The following SEMA3A variants were observed in gnomAD, a reference collection of about 807,000 sequenced individuals.
SEMA3A encodes semaphorin 3A, also known as semaphorin-3A.
Under a neutral mutation model 97.9 loss-of-function variants are expected in SEMA3A, and 29 were observed. That is an observed-to-expected ratio of 0.30 (90% CI 0.22 to 0.40). The LOEUF (loss-of-function observed/expected upper bound fraction) is 0.40, where lower values mean the gene tolerates loss of function less well. SEMA3A is among the 10% of genes least tolerant of loss of function. The pLI is 1.00. For synonymous variants in SEMA3A, 321 were observed against 323.7 expected (o/e 0.99, Z 0.09); for missense variants, 763 against 951.3 (o/e 0.80, Z 2.60).
At chr7:84,061,939 T>G (rs1045837907) in intron 4 of SEMA3A, among the ~76,000 whole-genome samples, 1 of 152,146 alleles carries the variant, frequency 6.6e-6, no homozygotes, top group Non-Finnish European at 1.5e-5. Flanking sequence ...TACTAAGTTA[T>G]AGTGGAAAAC....
intron 3 of SEMA3A, among the ~76,000 whole-genome samples, chr7:84,253,461 G>C (rs567013802): frequency 6.6e-6 from 1 of 151,998 alleles, no homozygotes; most frequent in South Asian, 2.1e-4. Flanking sequence ...CAGTTTTGTA[G>C]AGATAAAATG....
At chr7:84,321,872 G>GGAAAAAAAAAAAAAA (rs1313442553) in intron 2 of SEMA3A, among the ~76,000 whole-genome samples, 1 of 12,062 alleles carries the variant, frequency 8.3e-5, no homozygotes, top group African/African-American at 2.5e-4. Context: ...CGAGACTACG[G>GGAAAAAAAAAAAAAA]AAAAAAAAAA....
chr7:83,980,623 A>AAAAAAAAAAAAAAAATATATAT (rs1310318006), intron 14 of SEMA3A, among the ~76,000 whole-genome samples: 10 of 71,740 alleles, frequency 1.4e-4, no homozygotes, highest in South Asian at 3.9e-4. Context: ...AAAAAAAAAA[A>AAAAAAAAAAAAAAAATATATAT]ATATATATAT....
At chr7:84,000,770 T>A (rs905465373) in intron 12 of SEMA3A, among the ~76,000 whole-genome samples, 2 of 152,198 alleles carry the variant, frequency 1.3e-5, no homozygotes, top group Admixed American at 6.5e-5. Flanking sequence ...ATGTTAATTA[T>A]AATGCCAATT....
At chr7:83,989,840 G>A (rs1265890446) in intron 12 of SEMA3A, among the ~76,000 whole-genome samples, 2 of 150,148 alleles carry the variant, frequency 1.3e-5, no homozygotes, top group African/African-American at 2.5e-5. Context: ...CCCAGTAATG[G>A]GATGGCTGGG....
intron 12 of SEMA3A, among the ~76,000 whole-genome samples, chr7:83,999,039 G>A (rs1027301800): frequency 6.6e-6 from 1 of 152,106 alleles, no homozygotes; most frequent in African/African-American, 2.4e-5. Flanking sequence ...TGTTTTATAA[G>A]TAATTTTTTA....
intron 1 of SEMA3A, among the ~76,000 whole-genome samples, chr7:84,164,666 A>G (rs1321260944): frequency 3.3e-5 from 5 of 152,290 alleles, no homozygotes; most frequent in East Asian, 1.9e-4. Context: ...GAGAAAATGT[A>G]TGTTATGTAT....
chr7:84,359,124 C>G (rs1220834288), intron 2 of SEMA3A, among the ~76,000 whole-genome samples: 6 of 152,126 alleles, frequency 3.9e-5, no homozygotes, highest in Non-Finnish European at 7.3e-5. Context: ...ATTGAATACC[C>G]TTTATTTCTT....
chr7:84,166,653 A>C (rs1797217632), intron 1 of SEMA3A, among the ~76,000 whole-genome samples: 1 of 151,770 alleles, frequency 6.6e-6, no homozygotes, highest in Admixed American at 6.6e-5. Context: ...TGGGTGGATC[A>C]CGAGGTCAGG....
upstream of SEMA3A, chr7:84,195,214 A>G (rs572990728): frequency 1.3e-5 from 2 of 152,102 alleles, no homozygotes; most frequent in Non-Finnish European, 2.9e-5. Flanking sequence ...CATGCAAAAA[A>G]CATCTCGTAG....
At chr7:84,410,677 CAT>C (rs1217670384) in intron 1 of SEMA3A, among the ~76,000 whole-genome samples, 2 of 152,094 alleles carry the variant, frequency 1.3e-5, no homozygotes, top group African/African-American at 2.4e-5. Context: ...TGCACCACCA[CAT>C]GTTTTTCGCA....
chr7:84,415,864 T>C (rs143209947), intron 1 of SEMA3A, among the ~76,000 whole-genome samples: 3 of 152,190 alleles, frequency 2.0e-5, no homozygotes, highest in Admixed American at 2.0e-4. Flanking sequence ...TTTTCAAATA[T>C]CATAATTGCT....
chr7:84,205,010 A>G (rs765836271), intron 3 of SEMA3A, among the ~76,000 whole-genome samples: 2 of 152,202 alleles, frequency 1.3e-5, no homozygotes, highest in Non-Finnish European at 2.9e-5. Flanking sequence ...TAGAAGACCC[A>G]TTACTAGTAC....
chr7:84,170,655 A>G (rs1002913668), intron 1 of SEMA3A, among the ~76,000 whole-genome samples: 2 of 152,036 alleles, frequency 1.3e-5, no homozygotes, highest in Non-Finnish European at 2.9e-5. Context: ...AGATAATTAC[A>G]TATTAAAATC....
chr7:84,324,681 A>G (rs568228515), intron 2 of SEMA3A, among the ~76,000 whole-genome samples: 20 of 152,296 alleles, frequency 1.3e-4, no homozygotes, highest in African/African-American at 4.6e-4. Flanking sequence ...TTATTTTTCA[A>G]AGAGACTTCA....
chr7:83,979,792 T>C lies in SEMA3A; in HGVS notation c.1652+1529A>G, dbSNP rs1056063956. On this transcript the variant is annotated intron_variant, in intron 14 of 16. Transcript: ENST00000265362. The stretch of plus-strand genomic sequence containing the variant: ...TGGACTACTTATATAACAGACTAAA[T>C]TGTAGATGATTTTACACTCAGTCAA... Among the ~76,000 whole-genome samples, 4 of 152,134 alleles carry C rather than the reference T, an allele frequency of 2.6e-5. 1 individual carries two copies. Among genetic ancestry groups the C allele is most frequent in the South Asian group, 4.1e-4 (2 of 4,820 alleles).
intron 1 of SEMA3A, among the ~76,000 whole-genome samples, chr7:84,178,359 C>T (rs7805512): frequency 0.64 from 97,211 of 151,942 alleles, 31,344 homozygotes; most frequent in East Asian, 0.76. Flanking sequence ...GCCTTTACCA[C>T]GCCAAGCCCT....
chr7:84,406,275 A>G (rs1804084564), intron 1 of SEMA3A, among the ~76,000 whole-genome samples: 1 of 152,206 alleles, frequency 6.6e-6, no homozygotes, highest in Non-Finnish European at 1.5e-5. Context: ...AAACACCTCT[A>G]GGCAAATAAA....
intron 2 of SEMA3A, among the ~76,000 whole-genome samples, chr7:84,344,604 G>C (rs367941155): frequency 6.6e-6 from 1 of 152,176 alleles, no homozygotes; most frequent in Non-Finnish European, 1.5e-5. Flanking sequence ...AAAAGAGAGA[G>C]ATACACAGGG....
Sources: allele counts gnomAD v4.1 joint callset (sites outside exome capture counted in the v4.1 genomes callset), GRCh38; gene constraint gnomAD v4.1.1; transcripts MANE v1.5; gene names NCBI Gene and HGNC (gene_info 2026-07-23, HGNC 2026-07-21).